The following GPR158 variants were observed in gnomAD, a reference collection of about 807,000 sequenced individuals.
The protein encoded by GPR158 is G protein-coupled receptor 158, also known as metabotropic glycine receptor.
GPR158 carries 30 observed loss-of-function variants against 78.2 expected under a neutral mutation model. The ratio of observed to expected loss-of-function variants is 0.38; its 90% CI spans 0.29 to 0.52. The LOEUF (loss-of-function observed/expected upper bound fraction) is 0.52. GPR158 is among the 20% of genes least tolerant of loss of function. The pLI is 0.83. For synonymous variants in GPR158, 581 were observed against 591.1 expected (o/e 0.98, Z 0.25); for missense variants, 1,463 against 1,523.5 (o/e 0.96, Z 0.66).
intron 1 of GPR158, among the ~76,000 whole-genome samples, chr10:25,188,817 A>G (rs1490629168): frequency 6.6e-6 from 1 of 152,214 alleles, no homozygotes; most frequent in Non-Finnish European, 1.5e-5. Context: ...TCTTCACAGC[A>G]AAAGAAACTA....
intron 3 of GPR158, among the ~76,000 whole-genome samples, chr10:25,400,707 C>T (rs925553304): frequency 2.0e-5 from 3 of 152,190 alleles, no homozygotes; most frequent in African/African-American, 7.2e-5. Flanking sequence ...GTTCATCTAT[C>T]TTAGTATGGA....
intron 2 of GPR158, among the ~76,000 whole-genome samples, chr10:25,259,108 G>T (rs967448768): frequency 6.6e-6 from 1 of 152,130 alleles, no homozygotes; most frequent in Non-Finnish European, 1.5e-5. Flanking sequence ...AGGAAGAGGA[G>T]GGGTTGGCCT....
At chr10:25,504,239 A>T (rs543651524) in intron 5 of GPR158, among the ~76,000 whole-genome samples, 1 of 152,178 alleles carries the variant, frequency 6.6e-6, no homozygotes, top group African/African-American at 2.4e-5. Context: ...TTTGCCTAGC[A>T]TAGTGCCTGT....
intron 5 of GPR158, among the ~76,000 whole-genome samples, chr10:25,512,263 A>G (rs753561811): frequency 2.0e-5 from 3 of 152,088 alleles, no homozygotes; most frequent in South Asian, 2.1e-4. Context: ...TTGGTTAGGT[A>G]TATTCCTAGG....
chr10:25,393,656 C>A (rs1435712943), intron 2 of GPR158: 11 of 152,094 alleles, frequency 7.2e-5, no homozygotes, highest in Admixed American at 2.0e-4. Context: ...GCTTGTGTAC[C>A]CTTGAGTGAA....
intron 8 of GPR158, among the ~76,000 whole-genome samples, chr10:25,592,903 C>CA (rs113359370): frequency 0.35 from 21,494 of 61,702 alleles, 3,061 homozygotes; most frequent in African/African-American, 0.47. Flanking sequence ...TATTTCAATG[C>CA]AAAAAAAAAA....
intron 2 of GPR158, among the ~76,000 whole-genome samples, chr10:25,321,290 A>G (rs74438802): frequency 6.6e-6 from 1 of 152,198 alleles, no homozygotes; most frequent in Non-Finnish European, 1.5e-5. Flanking sequence ...TACAATATGA[A>G]AGCATCTCTA....
rs756759445 is a variant in GPR158 at position 25,317,716 on chromosome 10, G to GTTTTTTTTTTTTTTTTTTTTTTTTTT, written c.1009-78186_1009-78185insTTTTTTTTTTTTTTTTTTTTTTTTTT. ...TTAAATTCTGTTTTCTTCGTAAAGT[G>GTTTTTTTTTTTTTTTTTTTTTTTTTT]TTTTTTTTTGTTTTGTTTTGTTTTG... On this transcript the variant is annotated intron_variant, in intron 2 of 10. Coordinates refer to ENST00000376351, the MANE Select transcript of GPR158 (RefSeq NM_020752.3). Among the ~76,000 whole-genome samples, 12 of 134,068 alleles carry GTTTTTTTTTTTTTTTTTTTTTTTTTT rather than the reference G, an allele frequency of 9.0e-5. 1 individual carries two copies. The highest frequency in any genetic ancestry group is 2.4e-4 in the South Asian group (1 of 4,146). The allele number at this position is 134,068 out of a possible 152,430, so 88.0% of individuals were successfully genotyped here. A position where few individuals can be genotyped will look rare whatever the true frequency, so the allele number is the denominator to read the frequency against.
At chr10:25,494,331 T>A (rs1408281111) in intron 5 of GPR158, among the ~76,000 whole-genome samples, 3 of 152,218 alleles carry the variant, frequency 2.0e-5, no homozygotes, top group Non-Finnish European at 4.4e-5. Flanking sequence ...TGGATATTAA[T>A]TTTTCATGTT....
rs1339024147 is a variant in GPR158, at chr10:25,371,104, G to A, written c.1009-24807G>A. ...GTTTCCTGAATATAGCACACTGATG[G>A]GTCTTGACTCTTTATCCAATTTGCC... On this transcript the variant is annotated intron_variant, in intron 2 of 10. Coordinates refer to ENST00000376351, the MANE Select transcript of GPR158 (RefSeq NM_020752.3). Among the ~76,000 whole-genome samples, 20 of 148,454 alleles carry A rather than the reference G, an allele frequency of 1.3e-4. No individual in the cohort carries two copies. The South Asian group carries it at 4.2e-3, about 31-fold the overall frequency.
chr10:25,180,808 A>G (rs1342563472), intron 1 of GPR158, among the ~76,000 whole-genome samples: 2 of 152,208 alleles, frequency 1.3e-5, no homozygotes, highest in Admixed American at 1.3e-4. Flanking sequence ...GTGATATGGG[A>G]GAGTCTCATG....
chr10:25,468,254 G>A (rs773813819), intron 5 of GPR158, among the ~76,000 whole-genome samples: 6 of 152,024 alleles, frequency 3.9e-5, no homozygotes, highest in African/African-American at 1.4e-4. Flanking sequence ...TCTGGGGTGC[G>A]AAATTTTTTG....
In GPR158 at chr10:25,221,161, A is replaced by G. The variant is rs767880908; in HGVS notation, c.1008+4A>G. 1.4e-6 allele frequency: 2 copies of G among 1,407,968 alleles called. No individual in the cohort carries two copies. Among genetic ancestry groups the G allele is most frequent in the South Asian group, 1.2e-5 (1 of 84,844 alleles). 87.2% of individuals were successfully genotyped at this position (1,407,968 alleles called of 1,614,324 possible). ...ATGCCACCTCAACAATTCAGAGGTA[A>G]GAAGATGAAAATAAAATCCTCTTTA... is the stretch of plus-strand genomic sequence containing the variant. On this transcript the variant is annotated splice_donor_region_variant and intron_variant, in intron 2 of 10. Coordinates refer to ENST00000376351, the MANE Select transcript of GPR158 (RefSeq NM_020752.3).
chr10:25,586,966 C>G (rs1474632992), intron 7 of GPR158, among the ~76,000 whole-genome samples: 1 of 152,184 alleles, frequency 6.6e-6, no homozygotes, highest in East Asian at 1.9e-4. Flanking sequence ...TAATCAGGTA[C>G]TATAGCCAAG....
At chr10:25,300,666 G>A (rs912219617) in intron 2 of GPR158, among the ~76,000 whole-genome samples, 8 of 152,130 alleles carry the variant, frequency 5.3e-5, no homozygotes, top group Admixed American at 2.6e-4. Context: ...CTTTGCTGAA[G>A]AGATAAGAAT....
chr10:25,411,677 T>C (rs1374771136), intron 3 of GPR158, among the ~76,000 whole-genome samples: 1 of 152,046 alleles, frequency 6.6e-6, no homozygotes, highest in East Asian at 1.9e-4. Context: ...GGCTCACACC[T>C]ATAATCCCAG....
At chr10:25,250,885 G>T (rs1010564306) in intron 2 of GPR158, among the ~76,000 whole-genome samples, 1 of 151,426 alleles carries the variant, frequency 6.6e-6, no homozygotes, top group African/African-American at 2.4e-5. Flanking sequence ...TTTCTGTCTC[G>T]TTGATCTGTC....
At chr10:25,318,906 T>C (rs116642580) in intron 2 of GPR158, among the ~76,000 whole-genome samples, 8 of 152,342 alleles carry the variant, frequency 5.3e-5, no homozygotes, top group African/African-American at 1.9e-4. Flanking sequence ...GTGTCCTGCC[T>C]TTGAAATGTT....
chr10:25,341,995 A>G (rs543850), intron 2 of GPR158, among the ~76,000 whole-genome samples: 99,468 of 151,788 alleles, frequency 0.66, 34,691 homozygotes, highest in Non-Finnish European at 0.8. Flanking sequence ...AGAGTTCCTG[A>G]TACTTATTGC....
Sources: gnomAD v4.1 joint callset for allele counts (sites outside exome capture counted in the v4.1 genomes callset) on GRCh38, gnomAD v4.1.1 for gene constraint, MANE v1.5 for transcripts, NCBI Gene and HGNC (gene_info 2026-07-23, HGNC 2026-07-21) for gene names.